Variants in ANO1 observed in about 807,000 individuals in gnomAD.
ANO1 encodes anoctamin-1.
ANO1 carries 59 observed loss-of-function variants against 124.0 expected under a neutral mutation model. That is an observed-to-expected ratio of 0.48 (90% CI 0.39 to 0.59). The LOEUF (loss-of-function observed/expected upper bound fraction) is 0.59. Among genes scored for constraint, ANO1 ranks in the 20% least tolerant of loss-of-function variants. The pLI is 0.00. For synonymous variants in ANO1, 529 were observed against 532.0 expected, an observed-to-expected ratio of 0.99 and a Z score of 0.08; for missense variants, 1,059 against 1,328.0, an observed-to-expected ratio of 0.80 and a Z score of 3.15.
At chr11:70,167,186 CAAGCCCCCAAATTCACCCTCCTGCA>C (rs2048287395) in intron 20 of ANO1, 31 bp from the exon 21 acceptor site, 1 of 1,594,888 alleles carries the variant, frequency 6.3e-7, no homozygotes, top group Non-Finnish European at 8.5e-7. Context: ...GTGCCAGACC[CAAGCCCCCAAATTCACCCTCCTGCA>C]AACCTAACTG....
chr11:70,170,945 T>G lies in ANO1; in HGVS notation c.2256T>G (p.Phe752Leu). ...CCTCCTTCCCCCTGGCCCCACTGTT[T>G]GCGCTGCTGAACAACATCATCGAGA... ...FVASFPLAPL[F>L]ALLNNIIEIR... The change falls in exon 22 of 26, where the codon TTT becomes TTG. Residue 752 changes from phenylalanine (F) to leucine (L), a missense_variant. Transcript: ENST00000355303. 1 of 1,613,552 alleles carries G rather than the reference T, an allele frequency of 6.2e-7. No homozygotes were observed. The highest frequency in any genetic ancestry group is 8.5e-7 in the Non-Finnish European group (1 of 1,179,744).
chr11:70,105,695 G>A (rs1177787555), intron 4 of ANO1, 39 bp from the exon 5 acceptor site: 1 of 1,601,768 alleles, frequency 6.2e-7, no homozygotes, highest in South Asian at 1.1e-5. Context: ...TGCCAGCTCT[G>A]GTGAACTGTG....
At chr11:69,966,580 G>A in the ANO1 span, among the ~76,000 whole-genome samples, 1 of 152,320 alleles carries the variant, frequency 6.6e-6, no homozygotes, top group Admixed American at 6.5e-5. Flanking sequence ...GAGGCGAGTG[G>A]GATGGAGGAA....
intron 1 of ANO1, among the ~76,000 whole-genome samples, chr11:70,034,244 C>T (rs750623959): frequency 6.6e-6 from 1 of 152,082 alleles, no homozygotes; most frequent in Non-Finnish European, 1.5e-5. Context: ...TGACTTATGA[C>T]AAATTCAAGC....
chr11:70,085,683 C>G, intron 1 of ANO1: 5 of 1,466,134 alleles, frequency 3.4e-6, no homozygotes, highest in Non-Finnish European at 4.5e-6. Context: ...GGGGCAGCCC[C>G]CAACCAGCAG....
chr11:69,986,975 C>G (rs554606659), intron 1 of ANO1, among the ~76,000 whole-genome samples: 2 of 152,256 alleles, frequency 1.3e-5, no homozygotes, highest in South Asian at 4.2e-4. Flanking sequence ...CACCGCCAAC[C>G]CGGGACTGCT....
intron 1 of ANO1, among the ~76,000 whole-genome samples, chr11:70,037,310 T>C (rs1857111738): frequency 6.6e-6 from 1 of 151,902 alleles, no homozygotes. Context: ...TCAGGAGCTG[T>C]TGGGAACTGT....
At chr11:70,105,465 G>A (rs1177932238) in intron 4 of ANO1, among the ~76,000 whole-genome samples, 2 of 151,838 alleles carry the variant, frequency 1.3e-5, no homozygotes, top group African/African-American at 2.4e-5. Context: ...GCTGTGGGGG[G>A]TGGGGGGCTG....
chr11:70,153,400 C>T (rs1011940844), intron 14 of ANO1, among the ~76,000 whole-genome samples: 1 of 152,232 alleles, frequency 6.6e-6, no homozygotes, highest in African/African-American at 2.4e-5. Context: ...TGTCAAACTT[C>T]CTCTAGATCT....
chr11:70,041,822 A>G (rs1394822954), intron 1 of ANO1, among the ~76,000 whole-genome samples: 2 of 152,186 alleles, frequency 1.3e-5, no homozygotes, highest in East Asian at 1.9e-4. Context: ...TCAAGAGGAA[A>G]GAACAGGGGA....
chr11:70,021,405 C>T (rs1296221625), intron 1 of ANO1, among the ~76,000 whole-genome samples: 3 of 151,526 alleles, frequency 2.0e-5, no homozygotes, highest in Non-Finnish European at 4.4e-5. Context: ...CCCACCCCTT[C>T]TTTTTCTTTG....
intron 2 of ANO1, among the ~76,000 whole-genome samples, chr11:70,098,140 G>A (rs1272913235): frequency 2.6e-5 from 4 of 152,342 alleles, no homozygotes; most frequent in South Asian, 2.1e-4. Flanking sequence ...CCGCGTCCTC[G>A]TGGACAGACA....
At chr11:70,168,504 C>T (rs746372979) in intron 21 of ANO1, among the ~76,000 whole-genome samples, 2 of 152,080 alleles carry the variant, frequency 1.3e-5, no homozygotes, top group Non-Finnish European at 2.9e-5. Context: ...GGTAGGACGG[C>T]AGCCTCACCC....
chr11:70,019,236 A>T (rs76751406), intron 1 of ANO1, among the ~76,000 whole-genome samples: 4 of 23,996 alleles, frequency 1.7e-4, no homozygotes, highest in Admixed American at 4.3e-4. Context: ...GGGAAAGAAG[A>T]ACCCCCCCAC....
intron 5 of ANO1, among the ~76,000 whole-genome samples, chr11:70,107,672 G>A (rs1244558677): frequency 1.3e-5 from 2 of 152,186 alleles, no homozygotes; most frequent in Non-Finnish European, 2.9e-5. Context: ...GATGTCGCTG[G>A]TCCAAAATCA....
intron 11 of ANO1, among the ~76,000 whole-genome samples, chr11:70,135,022 TCGAG>T (rs2046900463): frequency 6.6e-6 from 1 of 152,068 alleles, no homozygotes; most frequent in Non-Finnish European, 1.5e-5. Flanking sequence ...TGTCTTATGC[TCGAG>T]TCGGAGACCG....
At position 70,153,101 on chromosome 11, in the gene ANO1, T is replaced by A; in HGVS notation, c.1398T>A (p.Ser466=). The A allele has an allele frequency of 6.2e-7, 1 of 1,607,476 alleles. No individual in the cohort carries two copies. The highest frequency in any genetic ancestry group is 8.5e-7 in the Non-Finnish European group (1 of 1,176,914). ...AEYEARVLEK[S]LKKESRNKEK... The stretch of plus-strand genomic sequence containing the variant: ...ACGAAGCCAGAGTCTTGGAGAAGTC[T>A]CTGAAGAAAGAGTCCAGAAACAAAG... The change falls in exon 14 of 26, where the codon TCT becomes TCA. Residue 466 remains serine (S), a synonymous_variant. Transcript: ENST00000355303.
Position 70,171,038 on chromosome 11 carries a change from C to G in ANO1, c.2349C>G (p.Ile783Met). 1 of 1,611,338 alleles carries G rather than the reference C, an allele frequency of 6.2e-7. No individual in the cohort carries two copies. Among genetic ancestry groups the G allele is most frequent in the Non-Finnish European group, 8.5e-7 (1 of 1,178,842 alleles). ...CGGTAGCTGTCAGAGCCAAAGACAT[C>G]GGTGAGTGACCCCACGGGCCGGCAG... Reference protein sequence around the residue: ...RRPVAVRAKDIGIWYNILRGI... With the variant: ...RRPVAVRAKDMGIWYNILRGI... Residue 783 changes from isoleucine to methionine, a missense_variant and splice_region_variant, in exon 22 of 26, where the codon ATC becomes ATG. Ile to Met is a conservative substitution (Grantham distance 10). Coordinates refer to ENST00000355303, the MANE Select transcript of ANO1 (RefSeq NM_018043.7).
intron 1 of ANO1, among the ~76,000 whole-genome samples, chr11:70,034,548 C>T (rs1005879577): frequency 6.6e-6 from 1 of 152,146 alleles, no homozygotes; most frequent in African/African-American, 2.4e-5. Context: ...AGAAGAGGAG[C>T]AATTATGCAT....
Sources: gnomAD v4.1 joint callset for allele counts (sites outside exome capture counted in the v4.1 genomes callset) on GRCh38, gnomAD v4.1.1 for gene constraint, MANE v1.5 for transcripts, NCBI Gene and HGNC (gene_info 2026-07-23, HGNC 2026-07-21) for gene names.